The following NTRK3 variants were observed in gnomAD, a reference collection of about 807,000 sequenced individuals.
The protein encoded by NTRK3 is NT-3 growth factor receptor.
NTRK3 carries 24 observed loss-of-function variants against 91.7 expected under a neutral mutation model. That is an observed-to-expected ratio of 0.26 (90% CI 0.19 to 0.37). NTRK3 has a LOEUF of 0.37. NTRK3 is among the 10% of genes least tolerant of loss of function. NTRK3 has a pLI of 1.00. For missense variants in NTRK3, 880 were observed against 1,068.9 expected, an observed-to-expected ratio of 0.82 and a Z score of 2.46; for synonymous variants, 483 against 404.0, an observed-to-expected ratio of 1.20 and a Z score of -2.34.
intron 13 of NTRK3, among the ~76,000 whole-genome samples, chr15:88,114,011 C>A (rs537577658): frequency 2.0e-5 from 3 of 152,220 alleles, no homozygotes; most frequent in East Asian, 3.9e-4. Context: ...CAGTACCCCC[C>A]CCACCACCAA....
chr15:87,913,619 T>G (rs1259060001), intron 17 of NTRK3, among the ~76,000 whole-genome samples: 5 of 152,150 alleles, frequency 3.3e-5, no homozygotes, highest in African/African-American at 9.7e-5. Flanking sequence ...CCCTGGGGCA[T>G]GTAATACTAG....
chr15:88,040,326 G>A (rs866971650), intron 13 of NTRK3, among the ~76,000 whole-genome samples: 3 of 152,186 alleles, frequency 2.0e-5, no homozygotes, highest in East Asian at 1.9e-4. Flanking sequence ...CCCAAGAGAG[G>A]AGCCTGGGAC....
At chr15:87,889,396 C>CTTTTTTTT (rs568030482) in intron 17 of NTRK3, among the ~76,000 whole-genome samples, 10 of 95,632 alleles carry the variant, frequency 1.0e-4, no homozygotes, top group African/African-American at 1.5e-4. Context: ...TTATTAGTTC[C>CTTTTTTTT]TTTTTTTTTT....
chr15:87,901,761 G>T (rs923834443), intron 17 of NTRK3, among the ~76,000 whole-genome samples: 1 of 150,182 alleles, frequency 6.7e-6, no homozygotes, highest in African/African-American at 2.5e-5. Context: ...AGGAAAGTTG[G>T]GGAGGGGGGG....
At chr15:88,079,204 T>C (rs1450580299) in intron 13 of NTRK3, among the ~76,000 whole-genome samples, 1 of 152,150 alleles carries the variant, frequency 6.6e-6, no homozygotes, top group East Asian at 1.9e-4. Context: ...GTGACACAGT[T>C]TGAAGTCAGA....
intron 13 of NTRK3, among the ~76,000 whole-genome samples, chr15:88,056,817 C>G (rs991140275): frequency 4.6e-5 from 7 of 152,182 alleles, no homozygotes; most frequent in Non-Finnish European, 1.0e-4. Flanking sequence ...GTGACAAAGT[C>G]CCTTCTGATG....
At chr15:87,880,162 C>T (rs1165356656) in intron 18 of NTRK3, 108 bp downstream of exon 19, 1 of 1,416,866 alleles carries the variant, frequency 7.1e-7, no homozygotes, top group Admixed American at 1.7e-5. Context: ...ATTCACTCTG[C>T]TGGCTCTAAA....
At chr15:88,106,589 A>G (rs1015127465) in intron 13 of NTRK3, among the ~76,000 whole-genome samples, 13 of 152,168 alleles carry the variant, frequency 8.5e-5, no homozygotes, top group South Asian at 2.1e-4. Context: ...TAGGTCAAAC[A>G]CTGTTTGAAT....
intron 5 of NTRK3, among the ~76,000 whole-genome samples, chr15:88,163,432 C>T (rs1414433076): frequency 6.6e-6 from 1 of 152,202 alleles, no homozygotes; most frequent in Non-Finnish European, 1.5e-5. Context: ...ACCACCACCT[C>T]CAGACCACTG....
intron 13 of NTRK3, among the ~76,000 whole-genome samples, chr15:88,036,702 C>G (rs935863387): frequency 6.6e-6 from 1 of 152,188 alleles, no homozygotes; most frequent in Non-Finnish European, 1.5e-5. Flanking sequence ...CTCCAAAGCT[C>G]ACAAGCCTTC....
At chr15:88,126,772 C>T (rs534792505) in intron 12 of NTRK3, among the ~76,000 whole-genome samples, 1 of 152,126 alleles carries the variant, frequency 6.6e-6, no homozygotes, top group Non-Finnish European at 1.5e-5. Context: ...AAAAAGAATC[C>T]TTTCTCCTCC....
At chr15:88,077,902 A>G (rs2150602691) in intron 13 of NTRK3, among the ~76,000 whole-genome samples, 1 of 152,318 alleles carries the variant, frequency 6.6e-6, no homozygotes, top group Admixed American at 6.5e-5. Context: ...CCAACTGAGG[A>G]CAGAGCAGTG....
Position 87,877,066 on chromosome 15 carries a change from T to C in NTRK3, c.2347A>G (p.Lys783Glu), listed in dbSNP as rs940256069. 3 of 1,613,970 alleles carry C rather than the reference T, an allele frequency of 1.9e-6. No individual in the cohort carries two copies. The African/African-American group carries it at 4.0e-5, about 22-fold the overall frequency. ...CCCAGCATGACATCGTACACCTCTT[T>C]GGGGCAGACTCGGGGCCGCTCCAAA... The change falls in exon 19 of 19, where the codon AAA (lysine) becomes GAA (glutamate). Residue 783 changes from lysine (K) to glutamate (E), a missense_variant. Coordinates refer to ENST00000394480, the Ensembl canonical transcript of NTRK3.
intron 13 of NTRK3, among the ~76,000 whole-genome samples, chr15:88,111,121 G>T (rs544347279): frequency 3.9e-5 from 6 of 152,214 alleles, no homozygotes; most frequent in Non-Finnish European, 7.3e-5. Flanking sequence ...TGAGCGATGG[G>T]GTGGGGGTTC....
chr15:88,022,473 G>GA (rs1285023679), intron 14 of NTRK3, among the ~76,000 whole-genome samples: 4 of 152,098 alleles, frequency 2.6e-5, no homozygotes, highest in Admixed American at 6.5e-5. Flanking sequence ...AGTTGACGAA[G>GA]AAAAAACATA....
At chr15:88,062,185 C>T (rs1310977761) in intron 13 of NTRK3, among the ~76,000 whole-genome samples, 1 of 152,190 alleles carries the variant, frequency 6.6e-6, no homozygotes, top group Non-Finnish European at 1.5e-5. Context: ...CATCCATCAT[C>T]CGCAGAACGG....
chr15:87,886,675 GC>G (rs2065553763), intron 17 of NTRK3, among the ~76,000 whole-genome samples: 2 of 31,194 alleles, frequency 6.4e-5, no homozygotes, highest in Non-Finnish European at 1.6e-4. Flanking sequence ...CCCACTTTTT[GC>G]TATATATATA....
chr15:88,038,941 T>G (rs2079329920), intron 13 of NTRK3, among the ~76,000 whole-genome samples: 1 of 152,144 alleles, frequency 6.6e-6, no homozygotes, highest in Non-Finnish European at 1.5e-5. Flanking sequence ...TTGTTCTCAC[T>G]GAGATTGTTC....
chr15:88,074,906 A>T (rs182966003), intron 13 of NTRK3, among the ~76,000 whole-genome samples: 28 of 152,276 alleles, frequency 1.8e-4, no homozygotes, highest in Non-Finnish European at 3.1e-4. Context: ...CACCTATGAT[A>T]GTTATTGGAA....
Sources: gnomAD v4.1 joint callset for allele counts (sites outside exome capture counted in the v4.1 genomes callset) on GRCh38, gnomAD v4.1.1 for gene constraint, MANE v1.5 for transcripts, NCBI Gene and HGNC (gene_info 2026-07-23, HGNC 2026-07-21) for gene names.